The following RIMOC1 variants were observed in gnomAD, a reference collection of about 807,000 sequenced individuals.
RIMOC1 encodes the protein RAB7A-interacting MON1-CCZ1 complex subunit 1.
chr5:41,916,118 A>AT, the RIMOC1 span, among the ~76,000 whole-genome samples: 3 of 152,136 alleles, frequency 2.0e-5, no homozygotes, highest in South Asian at 6.2e-4. Context: ...TCCATCATTT[A>AT]TTTTTTCTTC....
chr5:41,913,692 T>G, the RIMOC1 span, among the ~76,000 whole-genome samples: 1 of 152,202 alleles, frequency 6.6e-6, no homozygotes, highest in Non-Finnish European at 1.5e-5. Flanking sequence ...TCTTCCTGTT[T>G]CTTTGTTAGC....
chr5:41,909,923 G>A, the RIMOC1 span: 1 of 1,506,480 alleles, frequency 6.6e-7, no homozygotes, highest in South Asian at 1.3e-5. Context: ...AATTATGATG[G>A]AATATTGCTG....
At chr5:41,917,990 A>G in the RIMOC1 span, 1 of 984,414 alleles carries the variant, frequency 1.0e-6, no homozygotes, top group Non-Finnish European at 1.2e-6. Flanking sequence ...AAGCTAGGTT[A>G]GTCTACCATT....
At chr5:41,909,062 A>G in the RIMOC1 span, among the ~76,000 whole-genome samples, 8 of 152,180 alleles carry the variant, frequency 5.3e-5, no homozygotes, top group Non-Finnish European at 1.0e-4. Flanking sequence ...CATTTAGCCA[A>G]TTAAGAAACT....
At chr5:41,916,580 A>G in the RIMOC1 span, 1 of 540,540 alleles carries the variant, frequency 1.9e-6, no homozygotes. Flanking sequence ...CTTTAGCTAT[A>G]TGAATTATCC....
At chr5:41,908,975 G>A in the RIMOC1 span, among the ~76,000 whole-genome samples, 14 of 152,078 alleles carry the variant, frequency 9.2e-5, no homozygotes, top group East Asian at 1.9e-3. Flanking sequence ...GCTAGGTAAC[G>A]TTTCTAGTAC....
chr5:41,920,222 T>C, the RIMOC1 span: 1 of 152,268 alleles, frequency 6.6e-6, no homozygotes, highest in East Asian at 1.9e-4. Context: ...CTGGGTGCTT[T>C]TTATACAACT....
At chr5:41,912,080 T>C in the RIMOC1 span, 1 of 1,599,318 alleles carries the variant, frequency 6.3e-7, no homozygotes, top group Non-Finnish European at 8.6e-7. Flanking sequence ...ACCTTCTTGA[T>C]GGAATCAGTT....
the RIMOC1 span, chr5:41,920,075 C>G: frequency 6.6e-6 from 1 of 152,000 alleles, no homozygotes; most frequent in Non-Finnish European, 1.5e-5. Flanking sequence ...TATATGCCAT[C>G]CTGAGAGGAG....
chr5:41,920,029 G>GA, the RIMOC1 span: 11 of 152,254 alleles, frequency 7.2e-5, no homozygotes, highest in African/African-American at 2.6e-4. Context: ...AAACTGCTAT[G>GA]CCCTCTATAC....
the RIMOC1 span, chr5:41,917,838 TTTAA>T: frequency 2.5e-6 from 2 of 813,100 alleles, no homozygotes; most frequent in South Asian, 5.7e-5. Context: ...AATCATTGTG[TTTAA>T]TTATTTTGCC....
At chr5:41,907,327 A>G in the RIMOC1 span, among the ~76,000 whole-genome samples, 749 of 152,324 alleles carry the variant, frequency 4.9e-3, 8 homozygotes, top group African/African-American at 0.017. Flanking sequence ...AACATTTGCA[A>G]CTACATTTAT....
chr5:41,911,049 A>G, the RIMOC1 span: 5 of 1,609,576 alleles, frequency 3.1e-6, no homozygotes, highest in Non-Finnish European at 4.2e-6. Flanking sequence ...GTGTTTCAGC[A>G]CTGCAATTTG....
At chr5:41,919,045 C>T in the RIMOC1 span, 2 of 150,746 alleles carry the variant, frequency 1.3e-5, no homozygotes, top group African/African-American at 4.9e-5. Flanking sequence ...CAATGTCATT[C>T]ATAACTATGG....
At chr5:41,909,514 G>A in the RIMOC1 span, among the ~76,000 whole-genome samples, 27 of 152,154 alleles carry the variant, frequency 1.8e-4, no homozygotes, top group African/African-American at 6.0e-4. Context: ...TTGAGGGAAA[G>A]AAAGATTATC....
chr5:41,911,035 T>C, the RIMOC1 span: 1 of 1,602,434 alleles, frequency 6.2e-7, no homozygotes, highest in African/African-American at 1.3e-5. Context: ...ATGTCTTTTT[T>C]TGTGTGTTTC....
chr5:41,918,305 C>A, the RIMOC1 span: 21 of 985,688 alleles, frequency 2.1e-5, no homozygotes, highest in Non-Finnish European at 2.5e-5. Context: ...TAACTGCCCT[C>A]TTTTCAGTTT....
At chr5:41,917,143 C>T in the RIMOC1 span, 1 of 1,613,612 alleles carries the variant, frequency 6.2e-7, no homozygotes, top group Non-Finnish European at 8.5e-7. Context: ...CTGGAGCGGG[C>T]TGCACTACAT....
At chr5:41,918,245 T>C in the RIMOC1 span, 1 of 985,786 alleles carries the variant, frequency 1.0e-6, no homozygotes, top group African/African-American at 1.7e-5. Flanking sequence ...GGCCGCACTT[T>C]GAATGTCACC....
Sources: allele counts gnomAD v4.1 joint callset (sites outside exome capture counted in the v4.1 genomes callset), GRCh38; gene constraint gnomAD v4.1.1; transcripts MANE v1.5; gene names NCBI Gene and HGNC (gene_info 2026-07-23, HGNC 2026-07-21).